Variants in PRKG1 observed in about 807,000 individuals in gnomAD.
PRKG1 encodes protein kinase cGMP-dependent 1, also known as cGMP-dependent protein kinase 1.
In PRKG1, 35 loss-of-function variants were observed where a neutral mutation model predicts 88.1. The observed-to-expected ratio is 0.40, with a 90% CI of 0.30 to 0.53. The LOEUF is 0.53. PRKG1 is among the 20% of genes least tolerant of loss of function. PRKG1 has a pLI of 0.59. For synonymous variants in PRKG1, 303 were observed against 292.5 expected, an observed-to-expected ratio of 1.04 and a Z score of -0.37; for missense variants, 540 against 839.8, an observed-to-expected ratio of 0.64 and a Z score of 4.41.
intron 12 of PRKG1, 71 bp from the exon 13 acceptor site, chr10:52,280,718 G>GAA: frequency 4.3e-6 from 6 of 1,390,594 alleles, no homozygotes; most frequent in Non-Finnish European, 5.9e-6. Flanking sequence ...AGTGAAATGA[G>GAA]AAAAAAAAAA....
At chr10:51,937,519 T>C (rs1311094572) in intron 5 of PRKG1, among the ~76,000 whole-genome samples, 1 of 152,194 alleles carries the variant, frequency 6.6e-6, no homozygotes, top group Non-Finnish European at 1.5e-5. Flanking sequence ...TTCTTTTCGT[T>C]CCAGTCTGAC....
chr10:52,073,174 C>T (rs1200345623), intron 7 of PRKG1, among the ~76,000 whole-genome samples: 7 of 152,156 alleles, frequency 4.6e-5, no homozygotes, highest in Non-Finnish European at 8.8e-5. Flanking sequence ...GCGTGTGCCT[C>T]TGTATCAAAA....
chr10:51,295,456 C>T (rs1278938155), intron 2 of PRKG1, among the ~76,000 whole-genome samples: 3 of 151,992 alleles, frequency 2.0e-5, no homozygotes, highest in Non-Finnish European at 4.4e-5. Flanking sequence ...TAGAACATGA[C>T]TTATTTTGTA....
At chr10:51,350,340 T>C (rs533653409) in intron 2 of PRKG1, among the ~76,000 whole-genome samples, 4 of 152,284 alleles carry the variant, frequency 2.6e-5, no homozygotes, top group South Asian at 2.1e-4. Flanking sequence ...CAGGTAAATA[T>C]TGGTAGTGGG....
At chr10:51,115,779 T>G (rs1845108791) in intron 1 of PRKG1, among the ~76,000 whole-genome samples, 1 of 148,242 alleles carries the variant, frequency 6.7e-6, no homozygotes, top group African/African-American at 2.5e-5. Flanking sequence ...GAGTCTGTGG[T>G]GAGCTGAGAT....
At chr10:51,940,509 G>T (rs528956760) in intron 5 of PRKG1, among the ~76,000 whole-genome samples, 33 of 151,980 alleles carry the variant, frequency 2.2e-4, no homozygotes, top group Admixed American at 8.5e-4. Context: ...TACAAGTTTG[G>T]ATACCTATGA....
intron 3 of PRKG1, among the ~76,000 whole-genome samples, chr10:51,716,795 CTCT>C (rs751854006): frequency 6.0e-4 from 92 of 152,314 alleles, no homozygotes; most frequent in Non-Finnish European, 1.1e-3. Context: ...TGGGTTCAAG[CTCT>C]TCTCCTGCCT....
rs181759454 is a variant in PRKG1, at chr10:52,179,838, C to A, written c.1076+17875C>A. Among the ~76,000 whole-genome samples the A allele has an allele frequency of 4.4e-3, 668 of 152,214 alleles. 4 individuals are homozygous for A. Among genetic ancestry groups the A allele is most frequent in the African/African-American group, 0.015 (628 of 41,534 alleles). ...CAAGTAGCTGGGATTACAGGCACTG[C>A]CACCACACCTAGCTAATTTTTTGTA... On this transcript the variant is annotated intron_variant, in intron 9 of 17. Coordinates refer to ENST00000373980, the MANE Select transcript of PRKG1 (RefSeq NM_006258.4).
rs1373602698 is a variant in PRKG1, at chr10:52,297,725, A to G, written c.*3825A>G. 6.6e-6 allele frequency: 1 copy of G among 152,176 alleles called. No homozygotes were observed. The highest frequency in any genetic ancestry group is 2.4e-5 in the African/African-American group (1 of 41,458). The allele number at this position is 152,176 out of a possible 1,614,324, so 9.4% of individuals were successfully genotyped here. On this transcript the variant is annotated 3_prime_UTR_variant, in exon 18 of 18. Transcript: ENST00000373980. ...AATAAATTAGTGCAGTCAAGTTCTA[A>G]CATATCTCATTTTATAGACTCCATT...
chr10:51,377,475 A>G (rs1387783508), intron 2 of PRKG1, among the ~76,000 whole-genome samples: 1 of 152,230 alleles, frequency 6.6e-6, no homozygotes, highest in Non-Finnish European at 1.5e-5. Flanking sequence ...TGCTGGAAAC[A>G]TTAGCAGCAG....
intron 9 of PRKG1, among the ~76,000 whole-genome samples, chr10:52,168,157 T>C (rs1564499296): frequency 2.0e-5 from 3 of 152,216 alleles, no homozygotes; most frequent in Admixed American, 1.3e-4. Context: ...TTTCTTGCCT[T>C]AATGGAGCTT....
At chr10:51,782,287 A>G (rs547137114) in intron 3 of PRKG1, among the ~76,000 whole-genome samples, 1 of 152,250 alleles carries the variant, frequency 6.6e-6, no homozygotes, top group South Asian at 2.1e-4. Context: ...TTTTCAACTT[A>G]CCATGGGTTA....
intron 9 of PRKG1, among the ~76,000 whole-genome samples, chr10:52,170,846 A>C (rs949203878): frequency 6.7e-6 from 1 of 149,264 alleles, no homozygotes; most frequent in Admixed American, 6.8e-5. Flanking sequence ...CCCTTTAGTA[A>C]CTGATTCTGC....
At chr10:51,352,011 C>T (rs1389247994) in intron 2 of PRKG1, among the ~76,000 whole-genome samples, 2 of 152,138 alleles carry the variant, frequency 1.3e-5, no homozygotes, top group Non-Finnish European at 2.9e-5. Context: ...ATCCTTTCCC[C>T]ATTGCTTGTT....
chr10:52,053,225 A>G (rs61849898), intron 5 of PRKG1, among the ~76,000 whole-genome samples: 58,947 of 98,518 alleles, frequency 0.6, 11,671 homozygotes, highest in Non-Finnish European at 0.64. Flanking sequence ...AAGGAATAAG[A>G]AATACTTTTT....
At chr10:51,924,614 T>C (rs1353324487) in intron 5 of PRKG1, among the ~76,000 whole-genome samples, 1 of 152,152 alleles carries the variant, frequency 6.6e-6, no homozygotes, top group African/African-American at 2.4e-5. Context: ...ACATTTTTAT[T>C]CCAATATTTC....
intron 4 of PRKG1, among the ~76,000 whole-genome samples, chr10:51,851,875 G>C (rs1840563689): frequency 1.3e-5 from 2 of 152,076 alleles, no homozygotes. Flanking sequence ...CCTGCCATGA[G>C]TGCTGTCGTG....
chr10:51,862,448 T>A (rs907223437), intron 4 of PRKG1, among the ~76,000 whole-genome samples: 5 of 152,220 alleles, frequency 3.3e-5, no homozygotes, highest in Admixed American at 6.5e-5. Context: ...GGGAAGAATT[T>A]TGTTGAGCAA....
At chr10:51,129,964 C>T (rs923978105) in intron 1 of PRKG1, among the ~76,000 whole-genome samples, 39 of 152,088 alleles carry the variant, frequency 2.6e-4, no homozygotes, top group African/African-American at 8.4e-4. Context: ...GAGACCTAGT[C>T]TCATTGGGTG....
Sources: gnomAD v4.1 joint callset for allele counts (sites outside exome capture counted in the v4.1 genomes callset) on GRCh38, gnomAD v4.1.1 for gene constraint, MANE v1.5 for transcripts, NCBI Gene and HGNC (gene_info 2026-07-23, HGNC 2026-07-21) for gene names.